PSTPIP2: variants seen among roughly 807,000 people sequenced by gnomAD.
PSTPIP2 encodes the protein proline-serine-threonine phosphatase interacting protein 2.
Under a neutral mutation model 63.3 loss-of-function variants are expected in PSTPIP2, and 33 were observed. The ratio of observed to expected loss-of-function variants is 0.52; its 90% confidence interval spans 0.40 to 0.70. The LOEUF (loss-of-function observed/expected upper bound fraction) is 0.70. Among genes scored for constraint, PSTPIP2 ranks in the 30% least tolerant of loss-of-function variants. The probability of loss-of-function intolerance (pLI) is 0.00; values close to 1 mark genes in which losing one functional copy is unlikely to be tolerated. For synonymous variants in PSTPIP2, 125 were observed against 132.7 expected (o/e 0.94, Z 0.40); for missense variants, 312 against 400.7 (o/e 0.78, Z 1.89).
intron 4 of PSTPIP2, among the ~76,000 whole-genome samples, chr18:46,015,230 G>T (rs2051840764): frequency 6.6e-6 from 1 of 152,180 alleles, no homozygotes; most frequent in Non-Finnish European, 1.5e-5. Context: ...AGGGAATCAT[G>T]ACAATATTTC....
chr18:46,015,523 CCCTGG>C (rs1266294223), intron 4 of PSTPIP2, among the ~76,000 whole-genome samples: 1 of 152,126 alleles, frequency 6.6e-6, no homozygotes, highest in East Asian at 1.9e-4. Context: ...CCAGCATGGT[CCCTGG>C]ACCAGAGGCC....
chr18:45,997,026 G>A (rs186162655), intron 9 of PSTPIP2, among the ~76,000 whole-genome samples: 17 of 152,240 alleles, frequency 1.1e-4, no homozygotes, highest in African/African-American at 3.1e-4. Context: ...TTACTTAATC[G>A]ACCATTAACT....
chr18:46,030,361 GA>G lies in PSTPIP2; in HGVS notation c.135-5676del, dbSNP rs938355809. ...AATAAACATGTGGCAGCTTTTGTTTGAAAAAAAAAAGTAAGAGGATAGAGAT... is the reference window on the plus strand; with the variant it reads ...AATAAACATGTGGCAGCTTTTGTTTGAAAAAAAAAGTAAGAGGATAGAGAT... On this transcript the variant is annotated intron_variant, in intron 2 of 14. Coordinates refer to ENST00000409746, the MANE Select transcript of PSTPIP2 (RefSeq NM_024430.4). Among the ~76,000 whole-genome samples, 513 of 147,382 alleles carry G rather than the reference GA, an allele frequency of 3.5e-3. 1 individual carries two copies. The highest frequency in any genetic ancestry group is 7.8e-3 in the African/African-American group (315 of 40,334).
chr18:46,028,984 C>T (rs1401650498), intron 2 of PSTPIP2: 25 of 935,866 alleles, frequency 2.7e-5, no homozygotes, highest in Non-Finnish European at 4.1e-5. Flanking sequence ...TGTGCAGTTC[C>T]GTCCTTGTGC....
chr18:46,051,194 G>A (rs1908569741), intron 1 of PSTPIP2, among the ~76,000 whole-genome samples: 1 of 152,118 alleles, frequency 6.6e-6, no homozygotes, highest in Non-Finnish European at 1.5e-5. Context: ...TTGAACATAA[G>A]GCCGGGTGCA....
At chr18:46,047,892 C>T (rs981780972) in intron 1 of PSTPIP2, among the ~76,000 whole-genome samples, 4 of 152,074 alleles carry the variant, frequency 2.6e-5, no homozygotes, top group Non-Finnish European at 5.9e-5. Context: ...CAAAATATTT[C>T]CCCTGAAGAT....
intron 1 of PSTPIP2, among the ~76,000 whole-genome samples, chr18:46,057,761 G>A (rs2144128230): frequency 6.6e-6 from 1 of 152,198 alleles, no homozygotes; most frequent in South Asian, 2.1e-4. Flanking sequence ...ACTTTGGGAG[G>A]CCGAGGCAGG....
At position 45,997,767 on chromosome 18, in the gene PSTPIP2, C is replaced by G; in HGVS notation, c.624G>C (p.Glu208Asp). 6.8e-7 allele frequency: 1 copy of G among 1,474,016 alleles called. No homozygotes were observed. The highest frequency in any genetic ancestry group is 1.5e-5 in the African/African-American group (1 of 65,182). The allele number at this position is 1,474,016 out of a possible 1,614,324, so 91.3% of individuals were successfully genotyped here. ...CGGGTACCTCGCAGGCCTTGATGTG[C>G]TCACTCTGCCACTCTTCTCGGACCT... Reference protein sequence around the residue: ...LDKVREEWQSEHIKACEAFEA... With the variant: ...LDKVREEWQSDHIKACEAFEA... The change falls in exon 9 of 15, where the codon GAG (glutamate) becomes GAC (aspartate). Residue 208 changes from glutamate to aspartate, a missense_variant. Transcript: ENST00000409746.
At chr18:45,989,429 C>T (rs563714327) in intron 13 of PSTPIP2, among the ~76,000 whole-genome samples, 1 of 152,302 alleles carries the variant, frequency 6.6e-6, no homozygotes, top group South Asian at 2.1e-4. Context: ...GTGCCTTTCA[C>T]CTCCCGCCAT....
intron 9 of PSTPIP2, 51 bp from the exon 10 acceptor site, chr18:45,993,754 C>T: frequency 2.6e-6 from 4 of 1,517,592 alleles, no homozygotes; most frequent in Non-Finnish European, 3.7e-6. Flanking sequence ...AAGGACCATT[C>T]ATTTTGGCTA....
Position 45,996,348 on chromosome 18 carries a change from T to C in PSTPIP2, c.642+1401A>G, listed in dbSNP as rs183450772. ...TCCCATCAAAATCACTTGGAAGGCTTATTAGCACAGAGATTGCTGGGCTTT... is the reference window on the plus strand; with the variant it reads ...TCCCATCAAAATCACTTGGAAGGCTCATTAGCACAGAGATTGCTGGGCTTT... On this transcript the variant is annotated intron_variant, in intron 9 of 14. Coordinates refer to ENST00000409746, the MANE Select transcript of PSTPIP2 (RefSeq NM_024430.4). Among the ~76,000 whole-genome samples the C allele has an allele frequency of 2.1e-4, 32 of 152,304 alleles. No homozygotes were observed. In the East Asian group the frequency reaches 6.0e-3, roughly 28 times the overall value.
At chr18:46,024,534 CTCTG>C in intron 3 of PSTPIP2, 71 bp downstream of exon 3, 1 of 1,302,538 alleles carries the variant, frequency 7.7e-7, no homozygotes, top group Non-Finnish European at 1.1e-6. Flanking sequence ...CTCCTGGTAA[CTCTG>C]TCTGCTGAAG....
chr18:46,038,597 G>A (rs1908070015), intron 2 of PSTPIP2, among the ~76,000 whole-genome samples: 1 of 152,228 alleles, frequency 6.6e-6, no homozygotes, highest in Non-Finnish European at 1.5e-5. Context: ...CCCACTGCCA[G>A]TGTTTGTAAA....
intron 6 of PSTPIP2, among the ~76,000 whole-genome samples, chr18:46,001,927 T>C (rs894545736): frequency 2.6e-5 from 4 of 152,234 alleles, no homozygotes; most frequent in African/African-American, 9.6e-5. Flanking sequence ...TTTAAAAATA[T>C]ATAATTAAGT....
rs532190341 is a variant in PSTPIP2 at position 46,019,469 on chromosome 18, T to C, written c.213-3532A>G. 3.3e-5 allele frequency among the ~76,000 whole-genome samples: 5 copies of C among 152,266 alleles called. No homozygotes were observed. The South Asian group carries it at 8.3e-4, about 25-fold the overall frequency. On this transcript the variant is annotated intron_variant, in intron 3 of 14. Transcript: ENST00000409746. ...TTCTCCATTCACTTTACCCATCTTA[T>C]GATACAATTTTTCAAGGAGCACAAT...
rs1382570116 is a variant in PSTPIP2 at position 46,016,049 on chromosome 18, A to C, written c.213-112T>G. 3.1e-6 allele frequency: 4 copies of C among 1,294,456 alleles called. No individual in the cohort carries two copies. In the East Asian group the frequency reaches 7.6e-5, roughly 25 times the overall value. The allele number at this position is 1,294,456 out of a possible 1,614,324, so 80.2% of individuals were successfully genotyped here. ...CCATATCTTAACTTAGAAACTACAGACCAATTTTTGCCCATGAGCTAGAGA... is the reference window on the plus strand; with the variant it reads ...CCATATCTTAACTTAGAAACTACAGCCCAATTTTTGCCCATGAGCTAGAGA... On this transcript the variant is annotated intron_variant, in intron 3 of 14. Transcript: ENST00000409746.
chr18:45,997,713 C>T, intron 9 of PSTPIP2, 36 bp downstream of exon 9: 1 of 594,454 alleles, frequency 1.7e-6, no homozygotes, highest in African/African-American at 2.2e-5. Context: ...CCCCACCCAC[C>T]CACCCCAGTC....
chr18:46,020,924 T>C (rs544084943), intron 3 of PSTPIP2, among the ~76,000 whole-genome samples: 1 of 152,356 alleles, frequency 6.6e-6, no homozygotes, highest in South Asian at 2.1e-4. Context: ...AAATATCATT[T>C]CGGGTCAGAT....
chr18:46,011,243 A>G lies in PSTPIP2; in HGVS notation c.292T>C (p.Leu98=), dbSNP rs376838737. The G allele has an allele frequency of 6.2e-6, 10 of 1,613,962 alleles. No homozygotes were observed. In the African/African-American group the frequency reaches 1.3e-4, roughly 22 times the overall value. Residue 98 remains leucine (L), a synonymous_variant, in exon 5 of 15, where the codon TTA becomes CTA. Transcript: ENST00000409746. ...AQCHIQLAQS[L]REEARKMEEF... ...TCCATCTTCCTGGCCTCTTCTCTTA[A>G]ACTCTGTGCAAGCTGAATGTGACAT...
Sources: allele counts gnomAD v4.1 joint callset (sites outside exome capture counted in the v4.1 genomes callset), GRCh38; gene constraint gnomAD v4.1.1; transcripts MANE v1.5; gene names NCBI Gene and HGNC (gene_info 2026-07-23, HGNC 2026-07-21).